Variants in MRGPRD observed in about 807,000 individuals in gnomAD.
MRGPRD encodes the protein mas-related G protein-coupled receptor member D.
For missense variants in MRGPRD, 392 were observed against 413.4 expected, an observed-to-expected ratio of 0.95 and a Z score of 0.45; for synonymous variants, 185 against 183.9, an observed-to-expected ratio of 1.01 and a Z score of -0.05.
Position 68,980,246 on chromosome 11 carries a change from C to T in MRGPRD, c.741G>A (p.Leu247=), listed in dbSNP as rs371981858. 27 of 1,613,084 alleles carry T rather than the reference C, an allele frequency of 1.7e-5. No homozygotes were observed. Among genetic ancestry groups the T allele is most frequent in the Non-Finnish European group, 2.0e-5 (24 of 1,179,620 alleles). The change falls in exon 1 of 1, where the codon TTG becomes TTA. Residue 247 remains leucine, a synonymous_variant. Transcript: ENST00000309106. This position sits in a 1 kb window ranked among gnomAD's most constrained non-coding sequence, Gnocchi z 4.4. Reference sequence around the variant, plus strand: ...GGACCTGCATCTCGGGCGGCAGGCTCAACCAGTAGAGCACAAACCAGTAGA... The same window carrying T: ...GGACCTGCATCTCGGGCGGCAGGCTTAACCAGTAGAGCACAAACCAGTAGA... ...LSIYWFVLYW[L]SLPPEMQVLC...
chr11:68,980,112 A>G lies in MRGPRD; in HGVS notation c.875T>C (p.Leu292Pro), dbSNP rs7129887. 1 of 1,566,046 alleles carries G rather than the reference A, an allele frequency of 6.4e-7. No individual in the cohort carries two copies. Residue 292 changes from leucine (L) to proline (P), a missense_variant, in exon 1 of 1, where the codon CTG becomes CCG. Leu to Pro is a moderately conservative substitution (Grantham distance 98). Coordinates refer to ENST00000309106, the MANE Select transcript of MRGPRD (RefSeq NM_198923.2). This position sits in a 1 kb window ranked among gnomAD's most constrained non-coding sequence, Gnocchi z 4.4. ...AAGCGCCTGTTGGAGCACAGTCCCC[A>G]GGGACCTGGTGGGCAGCCTGTGGCT... is the stretch of plus-strand genomic sequence containing the variant. Reference protein sequence around the residue: ...RRSHRLPTRSLGTVLQQALRE... With the variant: ...RRSHRLPTRSPGTVLQQALRE...
chr11:68,980,597 A>G lies in MRGPRD; in HGVS notation c.390T>C (p.Pro130=). The G allele has an allele frequency of 6.2e-7, 1 of 1,614,096 alleles. No homozygotes were observed. The highest frequency in any genetic ancestry group is 8.5e-7 in the Non-Finnish European group (1 of 1,180,014). ...STQRCLSVLF[P]IWFKCHRPRH... is the part of the protein sequence containing the mutation. The stretch of plus-strand genomic sequence containing the variant: ...TGGGCCGGTGACACTTGAACCAGAT[A>G]GGGAAGAGGACAGAGAGACAGCGCT... The change falls in exon 1 of 1, where the codon CCT becomes CCC. Residue 130 remains proline, a synonymous_variant. Transcript: ENST00000309106. The surrounding 1 kb of genome is among the most constrained non-coding windows in gnomAD (Gnocchi z 4.4).
Position 68,980,127 on chromosome 11 carries a change from A to G in MRGPRD, c.860T>C (p.Leu287Pro). The change falls in exon 1 of 1, where the codon CTG becomes CCG. Residue 287 changes from leucine (L) to proline (P), a missense_variant. Coordinates refer to ENST00000309106, the MANE Select transcript of MRGPRD (RefSeq NM_198923.2). This position sits in a 1 kb window ranked among gnomAD's most constrained non-coding sequence, Gnocchi z 4.4. ...FLVGSRRSHR[L>P]PTRSLGTVLQ... ...CACAGTCCCCAGGGACCTGGTGGGCAGCCTGTGGCTCCTCCGGCTGCCCAC... is the reference window on the plus strand; with the variant it reads ...CACAGTCCCCAGGGACCTGGTGGGCGGCCTGTGGCTCCTCCGGCTGCCCAC... 6.4e-7 allele frequency: 1 copy of G among 1,572,028 alleles called. No homozygotes were observed. The highest frequency in any genetic ancestry group is 1.9e-4 in the Middle Eastern group (1 of 5,396).
Position 68,980,047 on chromosome 11 carries a change from C to A in MRGPRD, c.940G>T (p.Val314Leu). ...PELEGGETPTVGTNEMGA is the reference protein window; with the variant it reads ...PELEGGETPTLGTNEMGA ...CAAGCCCCCATCTCATTGGTGCCCA[C>A]GGTGGGCGTCTCCCCACCTTCCAGC... Residue 314 changes from valine to leucine, a missense_variant, in exon 1 of 1, where the codon GTG (valine) becomes TTG (leucine). By Grantham distance (32) the Val-to-Leu change is conservative. Coordinates refer to ENST00000309106, the MANE Select transcript of MRGPRD (RefSeq NM_198923.2). This position sits in a 1 kb window ranked among gnomAD's most constrained non-coding sequence, Gnocchi z 4.4. 1.3e-6 allele frequency: 2 copies of A among 1,515,286 alleles called. No individual in the cohort carries two copies. Among genetic ancestry groups the A allele is most frequent in the South Asian group, 1.3e-5 (1 of 74,782 alleles). 93.9% of individuals were successfully genotyped at this position (1,515,286 alleles called of 1,614,324 possible).
In MRGPRD at chr11:68,980,967, C is replaced by T; in HGVS notation, c.20G>A (p.Ser7Asn). The T allele has an allele frequency of 6.4e-7, 1 of 1,557,400 alleles. No individual in the cohort carries two copies. The highest frequency in any genetic ancestry group is 8.7e-7 in the Non-Finnish European group (1 of 1,149,230). The part of the protein sequence containing the change: MNQTLN[S>N]SGTVESALNY... ...TAGGGCTGACTCCACGGTCCCACTG[C>T]TATTCAAAGTCTGGTTCATCCCTAC... The change falls in exon 1 of 1, where the codon AGC becomes AAC. Residue 7 changes from serine (S) to asparagine (N), a missense_variant. Physicochemically the swap from Ser to Asn is conservative, Grantham distance 46 (BLOSUM62 1). Coordinates refer to ENST00000309106, the MANE Select transcript of MRGPRD (RefSeq NM_198923.2). This position sits in a 1 kb window ranked among gnomAD's most constrained non-coding sequence, Gnocchi z 4.4.
chr11:68,980,595 A>T lies in MRGPRD; in HGVS notation c.392T>A (p.Ile131Asn). ...TQRCLSVLFP[I>N]WFKCHRPRHL... ...CCTGGGCCGGTGACACTTGAACCAG[A>T]TAGGGAAGAGGACAGAGAGACAGCG... is the stretch of plus-strand genomic sequence containing the variant. Residue 131 changes from isoleucine to asparagine, a missense_variant, in exon 1 of 1, where the codon ATC becomes AAC. Coordinates refer to ENST00000309106, the MANE Select transcript of MRGPRD (RefSeq NM_198923.2). The surrounding 1 kb of genome is among the most constrained non-coding windows in gnomAD (Gnocchi z 4.4). The T allele has an allele frequency of 1.2e-6, 2 of 1,614,084 alleles. No homozygotes were observed. Among genetic ancestry groups the T allele is most frequent in the Non-Finnish European group, 1.7e-6 (2 of 1,180,016 alleles).
rs771460184 is a variant in MRGPRD at position 68,980,843 on chromosome 11, C to T, written c.144G>A (p.Val48=). The change falls in exon 1 of 1, where the codon GTG becomes GTA. Residue 48 remains valine (V), a synonymous_variant. Transcript: ENST00000309106. The surrounding 1 kb of genome is among the most constrained non-coding windows in gnomAD (Gnocchi z 4.4). ...GCATTCGAAAGCCCAGCAGCCAGAT[C>T]ACCATGCTGTTGCCTGCCATCCCGC... ...CLCGMAGNSM[V]IWLLGFRMHR... 6.2e-7 allele frequency: 1 copy of T among 1,614,042 alleles called. No individual in the cohort carries two copies. The highest frequency in any genetic ancestry group is 1.3e-5 in the African/African-American group (1 of 74,914).
Position 68,980,062 on chromosome 11 carries a change from C to A in MRGPRD, c.925G>T (p.Gly309Trp), listed in dbSNP as rs543719518. ...TTGGTGCCCACGGTGGGCGTCTCCC[C>A]ACCTTCCAGCTCGGGCTCCTCGCGA... Reference protein sequence around the residue: ...ALREEPELEGGETPTVGTNEM... With the variant: ...ALREEPELEGWETPTVGTNEM... The change falls in exon 1 of 1, where the codon GGG (glycine) becomes TGG (tryptophan). Residue 309 changes from glycine (G) to tryptophan (W), a missense_variant. By Grantham distance (184) the Gly-to-Trp change is radical. Transcript: ENST00000309106. The surrounding 1 kb of genome is among the most constrained non-coding windows in gnomAD (Gnocchi z 4.4). The A allele has an allele frequency of 1.3e-6, 2 of 1,522,128 alleles. No homozygotes were observed. Among genetic ancestry groups the A allele is most frequent in the African/African-American group, 1.4e-5 (1 of 71,588 alleles). The allele number at this position is 1,522,128 out of a possible 1,614,324, so 94.3% of individuals were successfully genotyped here. A position where few individuals can be genotyped will look rare whatever the true frequency, so the allele number is the denominator to read the frequency against.
At position 68,980,036 on chromosome 11, in the gene MRGPRD, A is replaced by G; in HGVS notation, c.951T>C (p.Asn317=). 1 of 1,511,106 alleles carries G rather than the reference A, an allele frequency of 6.6e-7. No individual in the cohort carries two copies. Among genetic ancestry groups the G allele is most frequent in the Non-Finnish European group, 8.8e-7 (1 of 1,133,462 alleles). 93.6% of individuals were successfully genotyped at this position (1,511,106 alleles called of 1,614,324 possible). A position where few individuals can be genotyped will look rare whatever the true frequency, so the allele number is the denominator to read the frequency against. ...EGGETPTVGT[N]EMGA is the part of the protein sequence containing the mutation. ...TGGGCGGCTCTCAAGCCCCCATCTC[A>G]TTGGTGCCCACGGTGGGCGTCTCCC... Residue 317 remains asparagine (N), a synonymous_variant, in exon 1 of 1, where the codon AAT becomes AAC. Transcript: ENST00000309106. This position sits in a 1 kb window ranked among gnomAD's most constrained non-coding sequence, Gnocchi z 4.4.
the MRGPRD span, chr11:68,980,083 C>A: frequency 2.0e-6 from 3 of 1,535,396 alleles, no homozygotes; most frequent in Non-Finnish European, 2.6e-6. The surrounding 1 kb of genome is among the most constrained non-coding windows in gnomAD (Gnocchi z 4.4). Context: ...TCGGGCTCCT[C>A]GCGAAGCGCC....
rs770958571 is a variant in MRGPRD at position 68,980,473 on chromosome 11, C to T, written c.514G>A (p.Glu172Lys). 3 of 1,614,076 alleles carry T rather than the reference C, an allele frequency of 1.9e-6. No individual in the cohort carries two copies. The highest frequency in any genetic ancestry group is 2.5e-6 in the Non-Finnish European group (3 of 1,179,998). ...SFCSKFLKFNEDRCFRVDMVQ... is the reference protein window; with the variant it reads ...SFCSKFLKFNKDRCFRVDMVQ... Reference sequence around the variant, plus strand: ...ATGTCCACCCTGAAGCACCGATCTTCATTGAATTTCAAGAACTTGCTGCAG... The same window carrying T: ...ATGTCCACCCTGAAGCACCGATCTTTATTGAATTTCAAGAACTTGCTGCAG... Residue 172 changes from glutamate (E) to lysine (K), a missense_variant, in exon 1 of 1, where the codon GAA becomes AAA. Glu to Lys is a moderately conservative substitution (Grantham distance 56). Coordinates refer to ENST00000309106, the MANE Select transcript of MRGPRD (RefSeq NM_198923.2). This position sits in a 1 kb window ranked among gnomAD's most constrained non-coding sequence, Gnocchi z 4.4.
In MRGPRD at chr11:68,980,189, G is replaced by T. The variant is rs765259755; in HGVS notation, c.798C>A (p.Ser266=). The change falls in exon 1 of 1, where the codon TCC becomes TCA. Residue 266 remains serine, a synonymous_variant. Coordinates refer to ENST00000309106, the MANE Select transcript of MRGPRD (RefSeq NM_198923.2). The surrounding 1 kb of genome is among the most constrained non-coding windows in gnomAD (Gnocchi z 4.4). ...TGACGGGGTTGGCGCTGCTGCTTAC[G>T]GACGAGGAGAGGCGTGACAAGCTGA... ...LCFSLSRLSS[S]VSSSANPVIY... 3 of 1,606,820 alleles carry T rather than the reference G, an allele frequency of 1.9e-6. No homozygotes were observed. Among genetic ancestry groups the T allele is most frequent in the Admixed American group, 3.4e-5 (2 of 58,238 alleles).
rs1291300560 is a variant in MRGPRD at position 68,980,361 on chromosome 11, G to A, written c.626C>T (p.Ser209Phe). ...LTLFVWVRRS[S>F]QQWRRQPTRL... Reference sequence around the variant, plus strand: ...TGTGGGCTGCCGCCGCCACTGCTGGGAGCTCCTCCGCACCCAGACAAAGAG... The same window carrying A: ...TGTGGGCTGCCGCCGCCACTGCTGGAAGCTCCTCCGCACCCAGACAAAGAG... The change falls in exon 1 of 1, where the codon TCC becomes TTC. Residue 209 changes from serine (S) to phenylalanine (F), a missense_variant. Physicochemically the swap from Ser to Phe is radical, Grantham distance 155. Coordinates refer to ENST00000309106, the MANE Select transcript of MRGPRD (RefSeq NM_198923.2). The surrounding 1 kb of genome is among the most constrained non-coding windows in gnomAD (Gnocchi z 4.4). 1.9e-6 allele frequency: 3 copies of A among 1,613,556 alleles called. No individual in the cohort carries two copies. The highest frequency in any genetic ancestry group is 2.5e-6 in the Non-Finnish European group (3 of 1,179,816).
chr11:68,980,668 A>T lies in MRGPRD; in HGVS notation c.319T>A (p.Phe107Ile). ...AGGCTCAGGCCCACTGTGTAGGCAAAGTACATCAGTCTCTTCATCAGCTCG... is the reference window on the plus strand; with the variant it reads ...AGGCTCAGGCCCACTGTGTAGGCAATGTACATCAGTCTCTTCATCAGCTCG... ...VHELMKRLMY[F>I]AYTVGLSLLT... The change falls in exon 1 of 1, where the codon TTT becomes ATT. Residue 107 changes from phenylalanine (F) to isoleucine (I), a missense_variant. Physicochemically the swap from Phe to Ile is conservative, Grantham distance 21. Transcript: ENST00000309106. This position sits in a 1 kb window ranked among gnomAD's most constrained non-coding sequence, Gnocchi z 4.4. 6.2e-7 allele frequency: 1 copy of T among 1,614,094 alleles called. No homozygotes were observed. The highest frequency in any genetic ancestry group is 8.5e-7 in the Non-Finnish European group (1 of 1,180,038).
rs1860188536 is a variant in MRGPRD, at chr11:68,980,892, G to A, written c.95C>T (p.Ser32Phe). ...TVHTAYLVLS[S>F]LAMFTCLCGM... ...GCACAGGCAGGTGAACATGGCCAGGGAGCTCAGCACCAGGTAGGCCGTGTG... is the reference window on the plus strand; with the variant it reads ...GCACAGGCAGGTGAACATGGCCAGGAAGCTCAGCACCAGGTAGGCCGTGTG... Residue 32 changes from serine to phenylalanine, a missense_variant, in exon 1 of 1, where the codon TCC becomes TTC. Physicochemically the swap from Ser to Phe is radical, Grantham distance 155. Transcript: ENST00000309106. This position sits in a 1 kb window ranked among gnomAD's most constrained non-coding sequence, Gnocchi z 4.4. 6.2e-7 allele frequency: 1 copy of A among 1,614,082 alleles called. No individual in the cohort carries two copies. Among genetic ancestry groups the A allele is most frequent in the South Asian group, 1.1e-5 (1 of 91,052 alleles).
rs758463417 is a variant in MRGPRD at position 68,980,091 on chromosome 11, G to A, written c.896C>T (p.Ala299Val). The A allele has an allele frequency of 1.0e-5, 16 of 1,545,724 alleles. No individual in the cohort carries two copies. The East Asian group carries it at 1.6e-4, about 15-fold the overall frequency. Residue 299 changes from alanine (A) to valine (V), a missense_variant, in exon 1 of 1, where the codon GCG (alanine) becomes GTG (valine). By Grantham distance (64) the Ala-to-Val change is moderately conservative. Transcript: ENST00000309106. The surrounding 1 kb of genome is among the most constrained non-coding windows in gnomAD (Gnocchi z 4.4). ...TRSLGTVLQQALREEPELEGG... is the reference protein window; with the variant it reads ...TRSLGTVLQQVLREEPELEGG... The stretch of plus-strand genomic sequence containing the variant: ...TTCCAGCTCGGGCTCCTCGCGAAGC[G>A]CCTGTTGGAGCACAGTCCCCAGGGA...
In MRGPRD at chr11:68,980,283, A is replaced by G. The variant is rs375088455; in HGVS notation, c.704T>C (p.Leu235Pro). Residue 235 changes from leucine (L) to proline (P), a missense_variant, in exon 1 of 1, where the codon CTG (leucine) becomes CCG (proline). Physicochemically the swap from Leu to Pro is moderately conservative, Grantham distance 98. Transcript: ENST00000309106. This position sits in a 1 kb window ranked among gnomAD's most constrained non-coding sequence, Gnocchi z 4.4. ...CACAAACCAGTAGATGCTCAGAGGC[A>G]GGGAACAGATGAGGAACACCAGGAC... ...ASVLVFLICS[L>P]PLSIYWFVLY... 29 of 1,613,998 alleles carry G rather than the reference A, an allele frequency of 1.8e-5. 1 individual carries two copies. In the African/African-American group the frequency reaches 2.8e-4, roughly 16 times the overall value.
At position 68,980,732 on chromosome 11, in the gene MRGPRD, C is replaced by T. The variant is rs1860186155; in HGVS notation, c.255G>A (p.Leu85=). 3.7e-6 allele frequency: 6 copies of T among 1,613,596 alleles called. No individual in the cohort carries two copies. In the East Asian group the frequency reaches 8.9e-5, roughly 24 times the overall value. Residue 85 remains leucine, a synonymous_variant, in exon 1 of 1, where the codon CTG becomes CTA. Transcript: ENST00000309106. The surrounding 1 kb of genome is among the most constrained non-coding windows in gnomAD (Gnocchi z 4.4). ...TGGTATTGACCAGGGGCTGGGTTTC[C>T]AGGCTGAGCGTGGAAGCCATGCTGA... is the stretch of plus-strand genomic sequence containing the variant. ...FLFSMASTLS[L]ETQPLVNTTD... is the part of the protein sequence containing the mutation.
chr11:68,980,875 A>G lies in MRGPRD; in HGVS notation c.112T>C (p.Cys38Arg), dbSNP rs757207574. The change falls in exon 1 of 1, where the codon TGC becomes CGC. Residue 38 changes from cysteine to arginine, a missense_variant. Physicochemically the swap from Cys to Arg is radical, Grantham distance 180. Transcript: ENST00000309106. The surrounding 1 kb of genome is among the most constrained non-coding windows in gnomAD (Gnocchi z 4.4). ...CTGTTGCCTGCCATCCCGCACAGGC[A>G]GGTGAACATGGCCAGGGAGCTCAGC... ...LVLSSLAMFT[C>R]LCGMAGNSMV... 6.2e-7 allele frequency: 1 copy of G among 1,614,190 alleles called. No homozygotes were observed. Among genetic ancestry groups the G allele is most frequent in the African/African-American group, 1.3e-5 (1 of 75,064 alleles).
Sources: gnomAD v4.1 joint callset for allele counts on GRCh38, gnomAD v4.1.1 for gene constraint, Gnocchi (gnomAD v3.1) non-coding constraint, MANE v1.5 for transcripts, NCBI Gene and HGNC (gene_info 2026-07-23, HGNC 2026-07-21) for gene names.